The following ANP32B variants were observed in gnomAD, a reference collection of about 807,000 sequenced individuals.
The protein encoded by ANP32B is acidic nuclear phosphoprotein 32 family member B.
ANP32B carries 6 observed loss-of-function variants against 32.2 expected under a neutral mutation model. The observed-to-expected ratio is 0.19, with a 90% confidence interval of 0.10 to 0.37. The LOEUF (loss-of-function observed/expected upper bound fraction) is 0.37. Ranked by LOEUF, ANP32B falls within the 10% of genes least tolerant of loss-of-function variation. ANP32B has a pLI of 1.00. For synonymous variants in ANP32B, 98 were observed against 105.8 expected, an observed-to-expected ratio of 0.93 and a Z score of 0.45; for missense variants, 204 against 289.2, an observed-to-expected ratio of 0.71 and a Z score of 2.14.
chr9:98,007,870 C>T (rs916880693), intron 4 of ANP32B, among the ~76,000 whole-genome samples: 2 of 152,198 alleles, frequency 1.3e-5, no homozygotes, highest in African/African-American at 2.4e-5. Flanking sequence ...GAATACTTCT[C>T]TTACACAGAG....
intron 1 of ANP32B, among the ~76,000 whole-genome samples, chr9:97,987,111 C>T (rs1244415504): frequency 1.3e-5 from 2 of 152,068 alleles, no homozygotes; most frequent in Non-Finnish European, 2.9e-5. Flanking sequence ...TATCCCTATT[C>T]CTTATAAACA....
intron 3 of ANP32B, among the ~76,000 whole-genome samples, chr9:98,000,539 G>A (rs1364995381): frequency 6.6e-6 from 1 of 152,174 alleles, no homozygotes; most frequent in African/African-American, 2.4e-5. Flanking sequence ...ACCCAGAGAA[G>A]AGAGAATGAC....
chr9:98,015,843 T>TTAG lies in ANP32B; in HGVS notation c.*414_*415insGTA. 1 of 960,912 alleles carries TTAG rather than the reference T, an allele frequency of 1.0e-6. No individual in the cohort carries two copies. The highest frequency in any genetic ancestry group is 1.2e-6 in the Non-Finnish European group (1 of 810,610). 59.5% of individuals were successfully genotyped at this position (960,912 alleles called of 1,614,324 possible). The stretch of plus-strand genomic sequence containing the variant: ...TGTTTTTTCATGCTTTGCTTTTTAA[T>TTAG]TATTATTATTATTTTTTTTACATTA... On this transcript the variant is annotated 3_prime_UTR_variant, in exon 7 of 7. Coordinates refer to ENST00000339399, the MANE Select transcript of ANP32B (RefSeq NM_006401.3).
At chr9:97,996,340 A>G (rs1292055933) in intron 2 of ANP32B, among the ~76,000 whole-genome samples, 1 of 152,190 alleles carries the variant, frequency 6.6e-6, no homozygotes, top group Non-Finnish European at 1.5e-5. Flanking sequence ...GACCGTTTTT[A>G]TAGGGACTTT....
intron 1 of ANP32B, chr9:97,987,417 A>C (rs954206058): frequency 6.6e-6 from 1 of 152,236 alleles, no homozygotes; most frequent in African/African-American, 2.4e-5. Flanking sequence ...CCATATATAC[A>C]CCATGGAAAT....
At chr9:98,015,008 C>G (rs931282103) in intron 6 of ANP32B, among the ~76,000 whole-genome samples, 1 of 152,200 alleles carries the variant, frequency 6.6e-6, no homozygotes, top group Non-Finnish European at 1.5e-5. Flanking sequence ...CTGCCTTGGC[C>G]TCCCAAAGTG....
chr9:97,985,151 G>T (rs111401410), intron 1 of ANP32B, among the ~76,000 whole-genome samples: 6 of 151,526 alleles, frequency 4.0e-5, no homozygotes, highest in African/African-American at 1.5e-4. Flanking sequence ...CGCGGAGGGC[G>T]GCCCCGCGGG....
intron 3 of ANP32B, among the ~76,000 whole-genome samples, chr9:98,003,534 GCCACTGGA>G (rs937934426): frequency 2.0e-5 from 3 of 152,126 alleles, no homozygotes; most frequent in African/African-American, 7.2e-5. Context: ...GCCAGAATTG[GCCACTGGA>G]CCACCGGTTC....
intron 3 of ANP32B, among the ~76,000 whole-genome samples, chr9:98,002,683 G>T (rs985808494): frequency 3.9e-5 from 6 of 152,114 alleles, no homozygotes; most frequent in African/African-American, 1.4e-4. Context: ...TTGAGAAGGG[G>T]TGCTTTGCCA....
At position 97,998,659 on chromosome 9, in the gene ANP32B, T is replaced by A; in HGVS notation, c.308T>A (p.Ile103Asn). The A allele has an allele frequency of 6.2e-7, 1 of 1,605,698 alleles. No individual in the cohort carries two copies. Among genetic ancestry groups the A allele is most frequent in the South Asian group, 1.1e-5 (1 of 89,380 alleles). ...TTAAGTGGAAATAAACTGAAAGATA[T>A]CAGCACCTTGGAACCTTTGGTAAGT... ...LNLSGNKLKD[I>N]STLEPLKKLE... Residue 103 changes from isoleucine (I) to asparagine (N), a missense_variant, in exon 3 of 7, where the codon ATC (isoleucine) becomes AAC (asparagine). Coordinates refer to ENST00000339399, the MANE Select transcript of ANP32B (RefSeq NM_006401.3).
At chr9:97,993,629 A>C (rs117014678) in intron 1 of ANP32B, among the ~76,000 whole-genome samples, 7 of 152,212 alleles carry the variant, frequency 4.6e-5, no homozygotes, top group Non-Finnish European at 8.8e-5. Context: ...CAAAAGTTCA[A>C]ATCATCAGAT....
At chr9:97,990,057 C>T (rs954813256) in intron 1 of ANP32B, among the ~76,000 whole-genome samples, 12 of 152,190 alleles carry the variant, frequency 7.9e-5, no homozygotes, top group African/African-American at 2.9e-4. Context: ...CCACTCATAC[C>T]TATGTAGACA....
chr9:97,992,379 C>T (rs550106886), intron 1 of ANP32B, among the ~76,000 whole-genome samples: 5 of 152,282 alleles, frequency 3.3e-5, no homozygotes, highest in Admixed American at 6.5e-5. Context: ...CATGAGCCAC[C>T]ACGCCCAGCC....
intron 3 of ANP32B, among the ~76,000 whole-genome samples, chr9:98,001,600 A>G (rs1237225539): frequency 6.6e-6 from 1 of 152,160 alleles, no homozygotes; most frequent in African/African-American, 2.4e-5. Context: ...TCCTCTGATT[A>G]TCAGAAGCCT....
intron 6 of ANP32B, among the ~76,000 whole-genome samples, chr9:98,014,009 A>ATTT (rs1828233537): frequency 6.6e-6 from 1 of 152,080 alleles, no homozygotes; most frequent in African/African-American, 2.4e-5. Flanking sequence ...CTTGTCTCAA[A>ATTT]TAAAAAGTCT....
chr9:98,012,027 G>C (rs1828193453), intron 5 of ANP32B, among the ~76,000 whole-genome samples: 1 of 152,124 alleles, frequency 6.6e-6, no homozygotes, highest in Non-Finnish European at 1.5e-5. Context: ...ATAAGGCTTG[G>C]GGTTTGTGTG....
chr9:98,000,360 T>G (rs938642931), intron 3 of ANP32B, among the ~76,000 whole-genome samples: 2 of 152,222 alleles, frequency 1.3e-5, no homozygotes, highest in Non-Finnish European at 1.5e-5. Context: ...TCACCAGTGC[T>G]CCATGCATTT....
intron 1 of ANP32B, among the ~76,000 whole-genome samples, chr9:97,994,097 T>C (rs1248073821): frequency 1.3e-5 from 2 of 152,250 alleles, no homozygotes; most frequent in Non-Finnish European, 2.9e-5. Flanking sequence ...CCTGATTTTT[T>C]TTCCCAGTGT....
intron 3 of ANP32B, among the ~76,000 whole-genome samples, chr9:98,000,889 T>C (rs1827978443): frequency 6.9e-6 from 1 of 145,412 alleles, no homozygotes; most frequent in Admixed American, 7.1e-5. Context: ...GCCTCTGCAC[T>C]CCAGCCTGGG....
Sources: allele counts gnomAD v4.1 joint callset (sites outside exome capture counted in the v4.1 genomes callset), GRCh38; gene constraint gnomAD v4.1.1; transcripts MANE v1.5; gene names NCBI Gene and HGNC (gene_info 2026-07-23, HGNC 2026-07-21).